The following PDE4D variants were observed in gnomAD, a reference collection of about 807,000 sequenced individuals.
PDE4D encodes phosphodiesterase 4D.
PDE4D carries 24 observed loss-of-function variants against 87.4 expected under a neutral mutation model. That is an observed-to-expected ratio of 0.27 (90% CI 0.20 to 0.39). The LOEUF is 0.39. Among genes scored for constraint, PDE4D ranks in the 10% least tolerant of loss-of-function variants. The pLI, the probability that PDE4D is intolerant of heterozygous loss-of-function variation, is 1.00. For missense variants in PDE4D, 714 were observed against 1,041.0 expected (o/e 0.69, Z 4.32); for synonymous variants, 384 against 383.2 (o/e 1.00, Z -0.02).
At chr5:59,587,473 A>G (rs1165276599) in intron 1 of PDE4D, 3 of 985,398 alleles carry the variant, frequency 3.0e-6, no homozygotes, top group Middle Eastern at 5.2e-4. Flanking sequence ...TTAAAACACA[A>G]TGGCAACAGG....
At chr5:60,130,984 A>G (rs1452746669) in intron 2 of PDE4D, among the ~76,000 whole-genome samples, 1 of 152,154 alleles carries the variant, frequency 6.6e-6, no homozygotes, top group Admixed American at 6.5e-5. Flanking sequence ...GCAAAGTGAA[A>G]TAGTTAAGAT....
intron 1 of PDE4D, among the ~76,000 whole-genome samples, chr5:59,661,096 A>T (rs1580233820): frequency 6.9e-6 from 1 of 143,944 alleles, no homozygotes; most frequent in South Asian, 2.2e-4. Context: ...ATATATATAT[A>T]TTTTGTCATC....
At chr5:60,143,369 T>C (rs1336527921) in intron 2 of PDE4D, among the ~76,000 whole-genome samples, 1 of 152,210 alleles carries the variant, frequency 6.6e-6, no homozygotes, top group Non-Finnish European at 1.5e-5. Flanking sequence ...AAATATGATT[T>C]TTAAAATGGA....
chr5:60,465,204 C>T (rs976489292), intron 1 of PDE4D, among the ~76,000 whole-genome samples: 1 of 152,084 alleles, frequency 6.6e-6, no homozygotes, highest in Admixed American at 6.6e-5. Context: ...AAAGAAATAT[C>T]TCTTCAATAT....
intron 1 of PDE4D, among the ~76,000 whole-genome samples, chr5:59,368,570 T>A (rs779647886): frequency 1.2e-4 from 19 of 152,178 alleles, no homozygotes; most frequent in Non-Finnish European, 2.8e-4. Context: ...TGTAAATGAT[T>A]CCACTGATTT....
intron 1 of PDE4D, among the ~76,000 whole-genome samples, chr5:60,287,927 C>T (rs188543396): frequency 6.6e-6 from 1 of 152,288 alleles, no homozygotes; most frequent in East Asian, 1.9e-4. Flanking sequence ...TATGATGCCT[C>T]CAGCATTTTA....
intron 1 of PDE4D, among the ~76,000 whole-genome samples, chr5:60,399,472 G>A (rs1740851548): frequency 6.6e-6 from 1 of 152,204 alleles, no homozygotes; most frequent in South Asian, 2.1e-4. Flanking sequence ...GAATCTTAGT[G>A]GGAAACAAAG....
chr5:59,933,592 C>T (rs1227013104), intron 3 of PDE4D, among the ~76,000 whole-genome samples: 1 of 152,128 alleles, frequency 6.6e-6, no homozygotes, highest in African/African-American at 2.4e-5. Context: ...GCTATTCTTA[C>T]ATTCATTTGA....
intron 1 of PDE4D, among the ~76,000 whole-genome samples, chr5:59,771,499 G>GAAAGA (rs760590848): frequency 0.048 from 927 of 19,428 alleles, 48 homozygotes; most frequent in Middle Eastern, 0.087. Flanking sequence ...GAGAGAGAGA[G>GAAAGA]AAGAAAGAAA....
intron 3 of PDE4D, among the ~76,000 whole-genome samples, chr5:59,915,327 T>C (rs1019520017): frequency 1.3e-5 from 2 of 151,854 alleles, no homozygotes; most frequent in Non-Finnish European, 2.9e-5. Flanking sequence ...GAAAGGTGAG[T>C]CCATAGGAAG....
At chr5:59,705,873 T>C (rs754111637) in intron 1 of PDE4D, among the ~76,000 whole-genome samples, 10 of 152,164 alleles carry the variant, frequency 6.6e-5, no homozygotes, top group Non-Finnish European at 1.5e-4. Context: ...TGGTGGATTA[T>C]AGCACAATGT....
intron 2 of PDE4D, among the ~76,000 whole-genome samples, chr5:60,061,292 C>T (rs1161567604): frequency 6.6e-6 from 1 of 151,508 alleles, no homozygotes; most frequent in Non-Finnish European, 1.5e-5. Flanking sequence ...TAACAATAGA[C>T]AAGCAGAGAG....
intron 1 of PDE4D, among the ~76,000 whole-genome samples, chr5:60,258,168 T>C (rs1482117795): frequency 6.6e-6 from 1 of 152,008 alleles, no homozygotes; most frequent in African/African-American, 2.4e-5. Flanking sequence ...TCCAGCTGCC[T>C]GCCGATGGTG....
At chr5:60,365,008 T>G (rs1046530594) in intron 1 of PDE4D, among the ~76,000 whole-genome samples, 9 of 152,190 alleles carry the variant, frequency 5.9e-5, no homozygotes, top group African/African-American at 2.2e-4. Flanking sequence ...AATGTTTATT[T>G]GTATAATCCA....
chr5:58,999,568 TG>T (rs1750042295), intron 6 of PDE4D: 1 of 1,189,208 alleles, frequency 8.4e-7, no homozygotes, highest in Non-Finnish European at 1.1e-6. Flanking sequence ...TATATATATA[TG>T]TATATATATA....
At chr5:60,073,692 C>T (rs1772980221) in intron 2 of PDE4D, among the ~76,000 whole-genome samples, 1 of 151,594 alleles carries the variant, frequency 6.6e-6, no homozygotes, top group South Asian at 2.1e-4. Flanking sequence ...ATTTACTGAT[C>T]CAATTTCACA....
intron 1 of PDE4D, among the ~76,000 whole-genome samples, chr5:60,516,188 T>A (rs1246969415): frequency 6.6e-6 from 1 of 152,206 alleles, no homozygotes; most frequent in Non-Finnish European, 1.5e-5. Flanking sequence ...AATAAGAAAC[T>A]GTAGGTTATG....
intron 11 of PDE4D, 68 bp downstream of exon 11, chr5:58,988,425 T>C (rs1747022131): frequency 3.6e-6 from 2 of 551,252 alleles, no homozygotes; most frequent in South Asian, 8.9e-5. Flanking sequence ...TCTGAGTTTA[T>C]AAAGACCCTT....
intron 2 of PDE4D, among the ~76,000 whole-genome samples, chr5:60,025,557 A>T (rs1766537356): frequency 6.6e-6 from 1 of 152,276 alleles, no homozygotes; most frequent in South Asian, 2.1e-4. Context: ...AAGCTAGAAA[A>T]TTTTACAATA....
Sources: gnomAD v4.1 joint callset for allele counts (sites outside exome capture counted in the v4.1 genomes callset) on GRCh38, gnomAD v4.1.1 for gene constraint, MANE v1.5 for transcripts, NCBI Gene and HGNC (gene_info 2026-07-23, HGNC 2026-07-21) for gene names.